PTPRZ1: variants seen among roughly 807,000 people sequenced by gnomAD.
The protein encoded by PTPRZ1 is receptor-type tyrosine-protein phosphatase zeta.
PTPRZ1 carries 82 observed loss-of-function variants against 214.1 expected under a neutral mutation model. That is an observed-to-expected ratio of 0.38 (90% CI 0.32 to 0.46). The LOEUF (loss-of-function observed/expected upper bound fraction) is 0.46, where lower values mean the gene tolerates loss of function less well. PTPRZ1 is among the 20% of genes least tolerant of loss of function. The pLI, the probability that PTPRZ1 is intolerant of heterozygous loss-of-function variation, is 1.00. For missense variants in PTPRZ1, 2,603 were observed against 2,748.7 expected, an observed-to-expected ratio of 0.95 and a Z score of 1.19; for synonymous variants, 945 against 987.9, an observed-to-expected ratio of 0.96 and a Z score of 0.81.
At chr7:122,027,406 G>A (rs942565262) in intron 13 of PTPRZ1, among the ~76,000 whole-genome samples, 3 of 152,124 alleles carry the variant, frequency 2.0e-5, no homozygotes, top group Admixed American at 1.3e-4. Context: ...TAATTGCAGC[G>A]AGAAGCCATT....
At chr7:122,060,049 C>T (rs1429361769) in intron 29 of PTPRZ1, among the ~76,000 whole-genome samples, 161 bp downstream of exon 29, 1 of 152,162 alleles carries the variant, frequency 6.6e-6, no homozygotes, top group African/African-American at 2.4e-5. Flanking sequence ...AGAACAACAA[C>T]ATTTAAAATT....
chr7:121,905,368 A>G (rs1030293905), intron 1 of PTPRZ1, among the ~76,000 whole-genome samples: 3 of 152,118 alleles, frequency 2.0e-5, no homozygotes, highest in African/African-American at 7.2e-5. Context: ...AGAGTCGTGG[A>G]CAAAGGAGAC....
intron 1 of PTPRZ1, among the ~76,000 whole-genome samples, chr7:121,883,650 G>A (rs776669091): frequency 2.6e-5 from 4 of 152,174 alleles, no homozygotes; most frequent in Non-Finnish European, 5.9e-5. Context: ...TTTTGAGACG[G>A]AGTTTCACTC....
At chr7:122,034,485 G>T (rs2150472474) in intron 17 of PTPRZ1, 107 bp downstream of exon 17, 1 of 905,496 alleles carries the variant, frequency 1.1e-6, no homozygotes, top group East Asian at 2.6e-5. Flanking sequence ...TGGCTGTTTG[G>T]GGCCTTTTTA....
At chr7:122,027,662 A>G (rs1268091963) in intron 13 of PTPRZ1, among the ~76,000 whole-genome samples, 2 of 152,214 alleles carry the variant, frequency 1.3e-5, no homozygotes, top group Admixed American at 6.5e-5. Context: ...AGCAGTTTTA[A>G]TTATTCAATT....
At chr7:121,891,048 C>A (rs1794586836) in intron 1 of PTPRZ1, among the ~76,000 whole-genome samples, 1 of 152,128 alleles carries the variant, frequency 6.6e-6, no homozygotes. Flanking sequence ...TCACTGTCCT[C>A]CTAGCCTTTC....
At chr7:122,033,703 A>G (rs534376254) in intron 15 of PTPRZ1, among the ~76,000 whole-genome samples, 37 of 152,098 alleles carry the variant, frequency 2.4e-4, no homozygotes, top group Non-Finnish European at 4.6e-4. Flanking sequence ...AAAACAAAAA[A>G]GCACATCACT....
At chr7:121,910,635 A>G (rs980295622) in intron 1 of PTPRZ1, among the ~76,000 whole-genome samples, 4 of 152,190 alleles carry the variant, frequency 2.6e-5, no homozygotes, top group African/African-American at 9.6e-5. Flanking sequence ...GAAGAAAGAA[A>G]AGACTAAAAA....
rs1798695997 is a variant in PTPRZ1 at position 122,012,320 on chromosome 7, A to T, written c.3274A>T (p.Ile1092Phe). The T allele has an allele frequency of 6.2e-7, 1 of 1,613,976 alleles. No individual in the cohort carries two copies. The highest frequency in any genetic ancestry group is 8.5e-7 in the Non-Finnish European group (1 of 1,179,994). The change falls in exon 12 of 30, where the codon ATT (isoleucine) becomes TTT (phenylalanine). Residue 1092 changes from isoleucine (I) to phenylalanine (F), a missense_variant. Around this residue, in one of 6 missense-constraint regions of PTPRZ1, gnomAD observed 1,913 missense variants for 1,914.3 expected, o/e 1.00. Coordinates refer to ENST00000393386, the MANE Select transcript of PTPRZ1 (RefSeq NM_002851.3). ...GTCTTTACAAGAAACCTCTGTTTCCATTTCTAGCACCAAGGGCATGTTTCC... is the reference window on the plus strand; with the variant it reads ...GTCTTTACAAGAAACCTCTGTTTCCTTTTCTAGCACCAAGGGCATGTTTCC... ...NASLQETSVS[I>F]SSTKGMFPGS...
chr7:122,060,968 C>A, intron 29 of PTPRZ1, 112 bp from the exon 30 acceptor site: 1 of 1,021,474 alleles, frequency 9.8e-7, no homozygotes, highest in African/African-American at 1.6e-5. Context: ...GCCCTTAACA[C>A]ATTGCCCTTT....
chr7:122,022,945 G>T (rs1799062165), intron 13 of PTPRZ1, among the ~76,000 whole-genome samples: 1 of 152,102 alleles, frequency 6.6e-6, no homozygotes. Flanking sequence ...TTTAGACAAG[G>T]ATCCAAAGAC....
chr7:122,049,288 G>T (rs1211995317), intron 23 of PTPRZ1, among the ~76,000 whole-genome samples: 1 of 151,890 alleles, frequency 6.6e-6, no homozygotes, highest in African/African-American at 2.4e-5. Context: ...AAAAGATAAG[G>T]AATGTCAATT....
chr7:122,044,817 G>A (rs1448635655), intron 23 of PTPRZ1, among the ~76,000 whole-genome samples: 1 of 151,942 alleles, frequency 6.6e-6, no homozygotes, highest in Non-Finnish European at 1.5e-5. Flanking sequence ...AAACTTGGTC[G>A]AGAAAAGAAG....
intron 2 of PTPRZ1, among the ~76,000 whole-genome samples, chr7:121,960,547 T>C (rs1250497148): frequency 2.0e-5 from 3 of 152,176 alleles, no homozygotes; most frequent in African/African-American, 7.2e-5. Context: ...ATCTATTAAT[T>C]TTCAGTGGAT....
chr7:121,981,305 G>A (rs1797606000), intron 6 of PTPRZ1, among the ~76,000 whole-genome samples: 1 of 152,144 alleles, frequency 6.6e-6, no homozygotes, highest in African/African-American at 2.4e-5. Context: ...TAATGCAAAT[G>A]GTCTAGCGTG....
Position 121,983,777 on chromosome 7 carries a change from T to G in PTPRZ1, c.732T>G (p.Val244=). ...SLTSPPCTDT[V]DWIVFKDTVS... ...CATCTCCTCCCTGCACAGACACAGT[T>G]GACTGGATTGTTTTTAAAGATACAG... The change falls in exon 7 of 30, where the codon GTT becomes GTG. Residue 244 remains valine (V), a synonymous_variant. Coordinates refer to ENST00000393386, the MANE Select transcript of PTPRZ1 (RefSeq NM_002851.3). 1.2e-6 allele frequency: 2 copies of G among 1,613,602 alleles called. No homozygotes were observed. Among genetic ancestry groups the G allele is most frequent in the Non-Finnish European group, 1.7e-6 (2 of 1,179,916 alleles).
intron 2 of PTPRZ1, among the ~76,000 whole-genome samples, chr7:121,949,162 G>A (rs1253599226): frequency 2.6e-5 from 4 of 152,058 alleles, no homozygotes; most frequent in Non-Finnish European, 5.9e-5. Context: ...GCAAGGAGGG[G>A]GCTTCTAGGT....
At chr7:121,921,680 T>C (rs1300066290) in intron 1 of PTPRZ1, among the ~76,000 whole-genome samples, 1 of 152,178 alleles carries the variant, frequency 6.6e-6, no homozygotes, top group East Asian at 1.9e-4. Context: ...TTTGAGACAT[T>C]CAAAAGTACT....
At chr7:121,888,478 A>G (rs1373772240) in intron 1 of PTPRZ1, among the ~76,000 whole-genome samples, 1 of 152,126 alleles carries the variant, frequency 6.6e-6, no homozygotes, top group African/African-American at 2.4e-5. Flanking sequence ...ATTTACACAA[A>G]CTTCTGTAAC....
Sources: gnomAD v4.1 joint callset for allele counts (sites outside exome capture counted in the v4.1 genomes callset) on GRCh38, gnomAD v4.1.1 for gene constraint, gnomAD v4.1.1 regional missense constraint, MANE v1.5 for transcripts, NCBI Gene and HGNC (gene_info 2026-07-23, HGNC 2026-07-21) for gene names.